ATRNL1: variants seen among roughly 807,000 people sequenced by gnomAD.
ATRNL1 encodes attractin like 1.
ATRNL1 carries 95 observed loss-of-function variants against 182.7 expected under a neutral mutation model. The ratio of observed to expected loss-of-function variants is 0.52; its 90% confidence interval spans 0.44 to 0.62. The LOEUF is 0.62. Ranked by LOEUF, ATRNL1 falls within the 20% of genes least tolerant of loss-of-function variation. ATRNL1 has a pLI of 0.00. For missense variants in ATRNL1, 1,471 were observed against 1,679.5 expected (o/e 0.88, Z 2.17); for synonymous variants, 576 against 568.3 (o/e 1.01, Z -0.19).
chr10:115,451,992 C>T (rs1847306089), intron 21 of ATRNL1, among the ~76,000 whole-genome samples: 1 of 152,118 alleles, frequency 6.6e-6, no homozygotes, highest in Non-Finnish European at 1.5e-5. Context: ...TTATCCTTAG[C>T]AAACCAATGC....
chr10:115,614,373 T>C (rs1335343083), intron 26 of ATRNL1, among the ~76,000 whole-genome samples: 1 of 152,210 alleles, frequency 6.6e-6, no homozygotes, highest in Non-Finnish European at 1.5e-5. Flanking sequence ...TCCTTTGTGA[T>C]CTAAGAAGAT....
intron 28 of ATRNL1, among the ~76,000 whole-genome samples, chr10:115,892,317 T>A (rs1178566313): frequency 1.3e-5 from 2 of 152,172 alleles, no homozygotes; most frequent in Non-Finnish European, 2.9e-5. Flanking sequence ...AAGAGACTGT[T>A]TACCCAATAA....
At chr10:115,823,627 C>T (rs181216347) in intron 27 of ATRNL1, among the ~76,000 whole-genome samples, 1 of 152,198 alleles carries the variant, frequency 6.6e-6, no homozygotes. Flanking sequence ...ATTCCATACA[C>T]CAATAATAGA....
intron 24 of ATRNL1, among the ~76,000 whole-genome samples, chr10:115,476,248 A>G (rs1554973081): frequency 1.3e-5 from 2 of 151,258 alleles, no homozygotes; most frequent in Non-Finnish European, 3.0e-5. Context: ...TTAATTTCCA[A>G]TTTAGTTTTC....
intron 26 of ATRNL1, among the ~76,000 whole-genome samples, chr10:115,688,677 G>A (rs1946296059): frequency 6.6e-6 from 1 of 151,924 alleles, no homozygotes; most frequent in African/African-American, 2.4e-5. Flanking sequence ...TGAAACTGTT[G>A]AGTTGTTTGA....
At chr10:115,199,429 T>C (rs1342648107) in intron 8 of ATRNL1, among the ~76,000 whole-genome samples, 1 of 151,948 alleles carries the variant, frequency 6.6e-6, no homozygotes, top group African/African-American at 2.4e-5. Flanking sequence ...GCTGGCGTAG[T>C]GGCACGTGCC....
chr10:115,097,014 T>C (rs558227803), intron 1 of ATRNL1, among the ~76,000 whole-genome samples: 1 of 152,260 alleles, frequency 6.6e-6, no homozygotes, highest in South Asian at 2.1e-4. Flanking sequence ...CTATAATCTA[T>C]TTGAATGACG....
chr10:115,869,737 A>ATT (rs1349161123), intron 28 of ATRNL1, among the ~76,000 whole-genome samples: 7 of 152,178 alleles, frequency 4.6e-5, no homozygotes, highest in Non-Finnish European at 1.0e-4. Flanking sequence ...CACATATTTT[A>ATT]TTCAGGACTT....
rs1274622715 is a variant in ATRNL1 at position 115,265,395 on chromosome 10, A to G, written c.1772+118A>G. 8.4e-6 allele frequency: 5 copies of G among 592,518 alleles called. No homozygotes were observed. In the Admixed American group the frequency reaches 1.4e-4, roughly 17 times the overall value. 36.7% of individuals were successfully genotyped at this position (592,518 alleles called of 1,614,324 possible). On this transcript the variant is annotated intron_variant, in intron 11 of 28. Transcript: ENST00000355044. The stretch of plus-strand genomic sequence containing the variant: ...TACTTAATGGTATTGGATTTTATGC[A>G]TCTCTTCTCTACCATAGAATGCATT...
intron 25 of ATRNL1, among the ~76,000 whole-genome samples, chr10:115,527,966 C>A: frequency 1.3e-5 from 1 of 77,132 alleles, no homozygotes; most frequent in Non-Finnish European, 2.4e-5. Context: ...CCTTCCCTCC[C>A]TCCCTCCTTC....
chr10:115,575,756 A>T (rs1440787117), intron 26 of ATRNL1, among the ~76,000 whole-genome samples: 1 of 152,030 alleles, frequency 6.6e-6, no homozygotes, highest in Non-Finnish European at 1.5e-5. Flanking sequence ...TTGTGGTAAG[A>T]GCACCTGAAA....
chr10:115,432,939 G>C (rs1846237435), intron 21 of ATRNL1, among the ~76,000 whole-genome samples: 1 of 151,876 alleles, frequency 6.6e-6, no homozygotes, highest in Admixed American at 6.6e-5. Flanking sequence ...AGTAGAATGA[G>C]AGTACATAAA....
At chr10:115,398,020 G>T (rs142325653) in intron 20 of ATRNL1, among the ~76,000 whole-genome samples, 3 of 152,042 alleles carry the variant, frequency 2.0e-5, no homozygotes, top group Admixed American at 1.3e-4. Context: ...ATATTTGGCG[G>T]GGATTAGGTA....
chr10:115,607,887 G>C, intron 26 of ATRNL1, among the ~76,000 whole-genome samples: 1 of 151,826 alleles, frequency 6.6e-6, no homozygotes, highest in East Asian at 1.9e-4. Flanking sequence ...TTCGTATATG[G>C]AAATCACCAT....
chr10:115,093,722 AG>A lies in ATRNL1; in HGVS notation c.-28del, dbSNP rs1380309723. 417 of 1,416,618 alleles carry A rather than the reference AG, an allele frequency of 2.9e-4. 1 individual carries two copies. The highest frequency in any genetic ancestry group is 3.6e-4 in the Non-Finnish European group (395 of 1,091,466). The allele number at this position is 1,416,618 out of a possible 1,614,324, so 87.8% of individuals were successfully genotyped here. On this transcript the variant is annotated 5_prime_UTR_variant, in exon 1 of 29. Coordinates refer to ENST00000355044, the MANE Select transcript of ATRNL1 (RefSeq NM_207303.4). The surrounding 1 kb of genome is among the most constrained non-coding windows in gnomAD (Gnocchi z 6.1). ...CATCCCTGTCGGCGCCCGCGAGCGC[AG>A]TCTCGCCGGGCAGGGGCGCCGGGGA...
chr10:115,165,448 CTT>C (rs1184179579), intron 6 of ATRNL1, 108 bp from the exon 7 acceptor site: 4 of 496,516 alleles, frequency 8.1e-6, no homozygotes, highest in South Asian at 4.9e-5. Flanking sequence ...AGTTGTAACT[CTT>C]TTTGAATTTA....
chr10:115,690,291 T>A (rs1003565349), intron 26 of ATRNL1, among the ~76,000 whole-genome samples: 1 of 151,980 alleles, frequency 6.6e-6, no homozygotes, highest in Non-Finnish European at 1.5e-5. Flanking sequence ...GGGGTGGGTA[T>A]TGGGGGGAGA....
chr10:115,924,375 G>C (rs1180737175), intron 28 of ATRNL1, among the ~76,000 whole-genome samples: 1 of 151,974 alleles, frequency 6.6e-6, no homozygotes, highest in Non-Finnish European at 1.5e-5. Context: ...TTTTTTAATG[G>C]ATTGGGGTTT....
intron 5 of ATRNL1, among the ~76,000 whole-genome samples, chr10:115,150,439 C>T (rs1161594915): frequency 6.6e-6 from 1 of 151,804 alleles, no homozygotes; most frequent in Non-Finnish European, 1.5e-5. Context: ...TCATTTTAAA[C>T]CTTTCTGCTT....
Sources: allele counts gnomAD v4.1 joint callset (sites outside exome capture counted in the v4.1 genomes callset), GRCh38; gene constraint gnomAD v4.1.1; non-coding constraint Gnocchi (gnomAD v3.1); transcripts MANE v1.5; gene names NCBI Gene and HGNC (gene_info 2026-07-23, HGNC 2026-07-21).